RUNX2: variants seen among roughly 807,000 people sequenced by gnomAD.
RUNX2 encodes the protein RUNX family transcription factor 2.
RUNX2 carries 10 observed loss-of-function variants against 51.7 expected under a neutral mutation model. That is an observed-to-expected ratio of 0.19 (90% confidence interval 0.12 to 0.33). RUNX2 has a LOEUF of 0.33. Among genes scored for constraint, RUNX2 ranks in the 10% least tolerant of loss-of-function variants. RUNX2 has a pLI of 1.00. For missense variants in RUNX2, 562 were observed against 691.3 expected (o/e 0.81, Z 2.10); for synonymous variants, 276 against 273.6 (o/e 1.01, Z -0.09).
intron 2 of RUNX2, among the ~76,000 whole-genome samples, chr6:45,399,497 T>A (rs1013426019): frequency 2.6e-5 from 4 of 151,466 alleles, no homozygotes; most frequent in African/African-American, 9.7e-5. Context: ...GTAGCTGAGA[T>A]TACAGGCGTG....
At chr6:45,504,368 A>AC (rs1165409901) in intron 6 of RUNX2, among the ~76,000 whole-genome samples, 1 of 152,146 alleles carries the variant, frequency 6.6e-6, no homozygotes. Flanking sequence ...CTTAGAGATA[A>AC]CCCACCCATT....
intron 3 of RUNX2, among the ~76,000 whole-genome samples, chr6:45,426,948 G>A (rs73441934): frequency 0.06 from 9,090 of 152,054 alleles, 667 homozygotes; most frequent in African/African-American, 0.18. Flanking sequence ...GAATCTCATT[G>A]TATCTAAACT....
At chr6:45,356,591 G>A (rs1453331387) in intron 2 of RUNX2, among the ~76,000 whole-genome samples, 3 of 151,958 alleles carry the variant, frequency 2.0e-5, no homozygotes, top group Non-Finnish European at 4.4e-5. Context: ...AGTAGAGACA[G>A]GGTTTCACCA....
intron 7 of RUNX2, among the ~76,000 whole-genome samples, chr6:45,517,710 A>G (rs1042908566): frequency 1.3e-5 from 2 of 152,172 alleles, no homozygotes; most frequent in African/African-American, 2.4e-5. Context: ...TGGCTAAACT[A>G]TAATATTCCA....
chr6:45,422,490 G>GC, intron 2 of RUNX2, 103 bp from the exon 3 acceptor site: 3 of 642,468 alleles, frequency 4.7e-6, no homozygotes, highest in Non-Finnish European at 6.4e-6. Flanking sequence ...CCCCCGTCTC[G>GC]CCTTCACCCC....
intron 5 of RUNX2, among the ~76,000 whole-genome samples, chr6:45,457,260 T>C (rs573745565): frequency 1.1e-4 from 16 of 152,298 alleles, no homozygotes; most frequent in African/African-American, 3.4e-4. Context: ...CTTTTTAGTG[T>C]AGCAGCTTGT....
chr6:45,339,421 T>C lies in RUNX2; in HGVS notation c.58+10637T>C, dbSNP rs116429340. Among the ~76,000 whole-genome samples, 690 of 152,298 alleles carry C rather than the reference T, an allele frequency of 4.5e-3. 3 individuals carry two copies. The highest frequency in any genetic ancestry group is 0.016 in the African/African-American group (646 of 41,570). On this transcript the variant is annotated intron_variant, in intron 2 of 8. Transcript: ENST00000647337. Reference sequence around the variant, plus strand: ...AAATAAGCTAAAGACAAAATGCATATCCAAAATATATTAATTCCAAATTGT... The same window carrying C: ...AAATAAGCTAAAGACAAAATGCATACCCAAAATATATTAATTCCAAATTGT...
intron 4 of RUNX2, among the ~76,000 whole-genome samples, chr6:45,434,014 C>T (rs1190991487): frequency 2.0e-5 from 3 of 152,046 alleles, no homozygotes; most frequent in Non-Finnish European, 4.4e-5. Context: ...AGAAATTGGT[C>T]CAGACTTGTC....
chr6:45,342,960 C>T (rs570279805), intron 2 of RUNX2, among the ~76,000 whole-genome samples: 55 of 152,080 alleles, frequency 3.6e-4, no homozygotes, highest in Non-Finnish European at 5.3e-4. Flanking sequence ...CCAGTTATAG[C>T]GCCTAGTACA....
At chr6:45,462,932 T>G (rs540146837) in intron 5 of RUNX2, among the ~76,000 whole-genome samples, 1 of 152,308 alleles carries the variant, frequency 6.6e-6, no homozygotes, top group African/African-American at 2.4e-5. Context: ...ACAAGTTGCT[T>G]GTCTAACCCC....
At chr6:45,434,798 A>T (rs547694148) in intron 4 of RUNX2, among the ~76,000 whole-genome samples, 10 of 152,288 alleles carry the variant, frequency 6.6e-5, no homozygotes, top group African/African-American at 2.2e-4. Flanking sequence ...GAGAGCCTAC[A>T]TTTTAAAATA....
chr6:45,490,555 AAGACAGCTT>A lies in RUNX2; in HGVS notation c.686-1384_686-1376del, dbSNP rs143455028. 3.6e-3 allele frequency among the ~76,000 whole-genome samples: 555 copies of A among 152,288 alleles called. 2 individuals carry two copies. The highest frequency in any genetic ancestry group is 8.0e-3 in the Admixed American group (123 of 15,292). On this transcript the variant is annotated intron_variant, in intron 5 of 8. Coordinates refer to ENST00000647337, the MANE Select transcript of RUNX2 (RefSeq NM_001024630.4). The stretch of plus-strand genomic sequence containing the variant: ...AATAAAATAAGGAATTTGTCTTACG[AAGACAGCTT>A]ATAGTTGGGAAATTCTAATGTTCAA...
In RUNX2 at chr6:45,430,093, C is replaced by CA. The variant is rs11367524; in HGVS notation, c.424-1755dup. Reference sequence around the variant, plus strand: ...TGGGTGATAGACTAAGACTCCATCTCAAAAAAAAAAAAAAATTAATAAAAC... The same window carrying CA: ...TGGGTGATAGACTAAGACTCCATCTCAAAAAAAAAAAAAAAATTAATAAAAC... On this transcript the variant is annotated intron_variant, in intron 3 of 8. Transcript: ENST00000647337. Among the ~76,000 whole-genome samples the CA allele has an allele frequency of 1.7e-3, 244 of 140,716 alleles. 1 individual carries two copies. The highest frequency in any genetic ancestry group is 3.6e-3 in the Middle Eastern group (1 of 274). The allele number at this position is 140,716 out of a possible 152,430, so 92.3% of individuals were successfully genotyped here.
chr6:45,506,277 G>A (rs1800965016), intron 6 of RUNX2, among the ~76,000 whole-genome samples: 2 of 152,156 alleles, frequency 1.3e-5, no homozygotes, highest in African/African-American at 4.8e-5. Flanking sequence ...TCCTGTCTGT[G>A]AGTACAGCAG....
intron 6 of RUNX2, among the ~76,000 whole-genome samples, chr6:45,505,949 T>A (rs1478034001): frequency 1.3e-5 from 2 of 152,212 alleles, no homozygotes; most frequent in Non-Finnish European, 2.9e-5. Context: ...GGATTCCTTA[T>A]GACAGATGAC....
chr6:45,328,847 C>A (rs1348354782), intron 2 of RUNX2, 63 bp downstream of exon 2: 6 of 1,490,054 alleles, frequency 4.0e-6, no homozygotes, highest in Non-Finnish European at 5.6e-6. Context: ...AGGTATGATT[C>A]TTTGATAAAC....
chr6:45,332,955 A>T (rs535847971), intron 2 of RUNX2, among the ~76,000 whole-genome samples: 2 of 151,694 alleles, frequency 1.3e-5, no homozygotes, highest in Non-Finnish European at 3.0e-5. Flanking sequence ...CTGAAGATAG[A>T]TAAAATTCTG....
At chr6:45,542,206 C>T (rs1052364599) in intron 7 of RUNX2, among the ~76,000 whole-genome samples, 1 of 152,154 alleles carries the variant, frequency 6.6e-6, no homozygotes, top group Non-Finnish European at 1.5e-5. Flanking sequence ...CCCAAGAAAC[C>T]TAGTTGGGTA....
intron 2 of RUNX2, among the ~76,000 whole-genome samples, chr6:45,369,386 G>C (rs1398853859): frequency 6.6e-6 from 1 of 152,058 alleles, no homozygotes; most frequent in Non-Finnish European, 1.5e-5. Context: ...TTCTTTCTCT[G>C]ACATCTAATT....
Sources: allele counts gnomAD v4.1 joint callset (sites outside exome capture counted in the v4.1 genomes callset), GRCh38; gene constraint gnomAD v4.1.1; transcripts MANE v1.5; gene names NCBI Gene and HGNC (gene_info 2026-07-23, HGNC 2026-07-21).